Variants in PHACTR1 observed in about 807,000 individuals in gnomAD.
PHACTR1 encodes phosphatase and actin regulator 1.
In PHACTR1, 16 loss-of-function variants were observed where a neutral mutation model predicts 69.2. That is an observed-to-expected ratio of 0.23 (90% CI 0.16 to 0.35). PHACTR1 has a LOEUF of 0.35. PHACTR1 is among the 10% of genes least tolerant of loss of function. PHACTR1 has a pLI of 1.00. For synonymous variants in PHACTR1, 312 were observed against 284.5 expected (o/e 1.10, Z -0.97); for missense variants, 510 against 734.7 (o/e 0.69, Z 3.54).
rs569012275 is a variant in PHACTR1 at position 12,817,845 on chromosome 6, A to G, written c.250+68055A>G. Among the ~76,000 whole-genome samples, 48 of 144,440 alleles carry G rather than the reference A, an allele frequency of 3.3e-4. No homozygotes were observed. The South Asian group carries it at 0.01, about 31-fold the overall frequency. 94.8% of individuals were successfully genotyped at this position (144,440 alleles called of 152,430 possible). ...TTTAATTTTTTTTTTTTTTTTTGAG[A>G]TGGAGTCTTGCACTGTCGCCCAGCC... is the stretch of plus-strand genomic sequence containing the variant. On this transcript the variant is annotated intron_variant, in intron 4 of 14. Transcript: ENST00000332995.
At chr6:13,015,115 G>A (rs1412387169) in intron 4 of PHACTR1, among the ~76,000 whole-genome samples, 1 of 152,206 alleles carries the variant, frequency 6.6e-6, no homozygotes, top group Non-Finnish European at 1.5e-5. Context: ...TTTCCTATCA[G>A]CTAGGCAGGT....
At chr6:13,274,775 G>C (rs1778540439) in intron 11 of PHACTR1, 1 of 152,138 alleles carries the variant, frequency 6.6e-6, no homozygotes, top group Non-Finnish European at 1.5e-5. Context: ...TTAGATTCAG[G>C]GGACCAAAAA....
intron 4 of PHACTR1, among the ~76,000 whole-genome samples, chr6:13,005,506 T>C (rs1213962868): frequency 6.6e-6 from 1 of 152,142 alleles, no homozygotes; most frequent in African/African-American, 2.4e-5. Flanking sequence ...TATATTAATT[T>C]GTGTGGATAT....
At chr6:13,009,307 G>C (rs549172434) in intron 4 of PHACTR1, among the ~76,000 whole-genome samples, 7 of 152,188 alleles carry the variant, frequency 4.6e-5, no homozygotes, top group African/African-American at 1.7e-4. Flanking sequence ...GGGTGGATAG[G>C]AACAGGAAAG....
At chr6:12,972,852 T>C (rs1016796139) in intron 4 of PHACTR1, among the ~76,000 whole-genome samples, 7 of 152,132 alleles carry the variant, frequency 4.6e-5, no homozygotes, top group African/African-American at 1.4e-4. Flanking sequence ...GGTTTCACCG[T>C]ATTGATCAGG....
chr6:12,759,760 G>A (rs1203377320), intron 4 of PHACTR1, among the ~76,000 whole-genome samples: 2 of 152,164 alleles, frequency 1.3e-5, no homozygotes, highest in Admixed American at 1.3e-4. Flanking sequence ...AAGGCAAAAG[G>A]ACCTAGGACC....
chr6:13,060,873 G>C (rs1807581423), intron 5 of PHACTR1, among the ~76,000 whole-genome samples: 1 of 152,190 alleles, frequency 6.6e-6, no homozygotes, highest in Non-Finnish European at 1.5e-5. Flanking sequence ...AGAAAGAAAA[G>C]GAGGACAAGG....
chr6:12,764,567 A>G (rs1239975379), intron 4 of PHACTR1, among the ~76,000 whole-genome samples: 1 of 151,966 alleles, frequency 6.6e-6, no homozygotes, highest in Non-Finnish European at 1.5e-5. Flanking sequence ...AGGTTCAATT[A>G]TTTTTCTCCC....
At chr6:13,018,617 C>T (rs1800516076) in intron 4 of PHACTR1, among the ~76,000 whole-genome samples, 1 of 152,130 alleles carries the variant, frequency 6.6e-6, no homozygotes, top group Non-Finnish European at 1.5e-5. Context: ...TGGATTGAGT[C>T]CAAGATGAGA....
intron 4 of PHACTR1, among the ~76,000 whole-genome samples, chr6:12,907,142 C>T (rs888609718): frequency 2.0e-5 from 3 of 152,144 alleles, no homozygotes; most frequent in Non-Finnish European, 1.5e-5. Context: ...CTTTCAGCTA[C>T]TGACATATTT....
chr6:13,212,452 T>C (rs917047432), intron 8 of PHACTR1, among the ~76,000 whole-genome samples: 4 of 152,002 alleles, frequency 2.6e-5, no homozygotes, highest in Non-Finnish European at 4.4e-5. Context: ...TCTCAGATTC[T>C]GGTACAGATC....
intron 3 of PHACTR1, 154 bp from the exon 4 acceptor site, chr6:12,749,490 T>C: frequency 3.0e-6 from 2 of 669,314 alleles, no homozygotes. Flanking sequence ...TCCCTTTTTT[T>C]TCCTTTTTCC....
At chr6:13,198,622 G>GAAA (rs201932224) in intron 7 of PHACTR1, among the ~76,000 whole-genome samples, 55 of 135,094 alleles carry the variant, frequency 4.1e-4, no homozygotes, top group African/African-American at 1.3e-3. Context: ...CCTGATGAGT[G>GAAA]AAAAAAAAAA....
At chr6:13,086,361 A>C (rs923204075) in intron 5 of PHACTR1, among the ~76,000 whole-genome samples, 1 of 152,264 alleles carries the variant, frequency 6.6e-6, no homozygotes, top group East Asian at 1.9e-4. Flanking sequence ...ATTTACACTC[A>C]GCAAAATTAA....
At position 12,914,050 on chromosome 6, in the gene PHACTR1, C is replaced by T. The variant is rs75440882; in HGVS notation, c.251-139315C>T. Reference sequence around the variant, plus strand: ...GTGGCGCAATTTCAGCTTACTGCTACCTCCGCCTCCCAGATTCAAGCAATT... The same window carrying T: ...GTGGCGCAATTTCAGCTTACTGCTATCTCCGCCTCCCAGATTCAAGCAATT... On this transcript the variant is annotated intron_variant, in intron 4 of 14. Transcript: ENST00000332995. Among the ~76,000 whole-genome samples, 1,369 of 152,236 alleles carry T rather than the reference C, an allele frequency of 9.0e-3. 35 individuals are homozygous for T. The South Asian group carries it at 0.1, about 11-fold the overall frequency.
At chr6:13,206,691 A>C (rs1233823752) in intron 8 of PHACTR1, among the ~76,000 whole-genome samples, 3 of 152,334 alleles carry the variant, frequency 2.0e-5, no homozygotes, top group South Asian at 2.1e-4. Flanking sequence ...AGCATGTCCT[A>C]GCAGCCCAAG....
At chr6:12,886,862 C>A (rs1256857609) in intron 4 of PHACTR1, among the ~76,000 whole-genome samples, 1 of 151,956 alleles carries the variant, frequency 6.6e-6, no homozygotes, top group Non-Finnish European at 1.5e-5. Context: ...AATGCCTTTG[C>A]TGTCACTTCA....
At chr6:13,114,104 G>T (rs530925829) in intron 5 of PHACTR1, among the ~76,000 whole-genome samples, 1 of 152,126 alleles carries the variant, frequency 6.6e-6, no homozygotes, top group African/African-American at 2.4e-5. Flanking sequence ...TCCTTCATCC[G>T]TGGCTTCCCT....
chr6:12,753,957 TATATATA>T (rs1359483637), intron 4 of PHACTR1, among the ~76,000 whole-genome samples: 3 of 103,016 alleles, frequency 2.9e-5, no homozygotes, highest in African/African-American at 9.9e-5. Flanking sequence ...TATATATATA[TATATATA>T]TATATATTTT....
Sources: gnomAD v4.1 joint callset for allele counts (sites outside exome capture counted in the v4.1 genomes callset) on GRCh38, gnomAD v4.1.1 for gene constraint, MANE v1.5 for transcripts, NCBI Gene and HGNC (gene_info 2026-07-23, HGNC 2026-07-21) for gene names.